Variants in ACBD6 observed in about 807,000 individuals in gnomAD.
The protein encoded by ACBD6 is acyl-CoA-binding domain-containing protein 6.
ACBD6 carries 28 observed loss-of-function variants against 37.2 expected under a neutral mutation model. That is an observed-to-expected ratio of 0.75 (90% CI 0.56 to 1.03). The LOEUF is 1.03. ACBD6 is among the 50% of genes least tolerant of loss of function. The pLI, the probability that ACBD6 is intolerant of heterozygous loss-of-function variation, is 0.00. For synonymous variants in ACBD6, 113 were observed against 126.8 expected (o/e 0.89, Z 0.73); for missense variants, 340 against 337.4 (o/e 1.01, Z -0.06).
At chr1:180,366,649 AAAGG>A (rs1653065526) in intron 6 of ACBD6, among the ~76,000 whole-genome samples, 2 of 152,304 alleles carry the variant, frequency 1.3e-5, no homozygotes, top group South Asian at 2.1e-4. Flanking sequence ...TAAACTTAGC[AAAGG>A]AAGTGACTAT....
chr1:180,387,631 A>C (rs1043778272), intron 6 of ACBD6, among the ~76,000 whole-genome samples: 2 of 152,162 alleles, frequency 1.3e-5, no homozygotes, highest in Non-Finnish European at 2.9e-5. Flanking sequence ...GAAGAGAAGC[A>C]CTGCTTGCTA....
Position 180,359,893 on chromosome 1 carries a change from AT to A in ACBD6, c.663+37622del, listed in dbSNP as rs71725191. 7.1e-3 allele frequency among the ~76,000 whole-genome samples: 1,088 copies of A among 152,318 alleles called. 12 individuals carry two copies. Among genetic ancestry groups the A allele is most frequent in the African/African-American group, 0.025 (1,042 of 41,576 alleles). On this transcript the variant is annotated intron_variant, in intron 6 of 7. Transcript: ENST00000367595. ...GAAGACCATTATGTCAATTCTAAGTATTTTTAAGTAAAATATTACAGACATA... is the reference window on the plus strand; with the variant it reads ...GAAGACCATTATGTCAATTCTAAGTATTTTAAGTAAAATATTACAGACATA...
At chr1:180,322,478 G>A (rs545711333) in intron 6 of ACBD6, among the ~76,000 whole-genome samples, 3 of 152,072 alleles carry the variant, frequency 2.0e-5, no homozygotes, top group South Asian at 4.1e-4. Flanking sequence ...GTGAAGCCAC[G>A]AGGTCCTAGC....
chr1:180,293,592 C>T (rs772146063), intron 7 of ACBD6, among the ~76,000 whole-genome samples: 9 of 152,116 alleles, frequency 5.9e-5, no homozygotes, highest in Non-Finnish European at 1.2e-4. Context: ...TAGGCATGAG[C>T]CACTGTGCCT....
intron 1 of ACBD6, among the ~76,000 whole-genome samples, chr1:180,496,317 T>A (rs1651736851): frequency 6.6e-6 from 1 of 152,180 alleles, no homozygotes; most frequent in South Asian, 2.1e-4. Flanking sequence ...CTATATATCT[T>A]TTATGGTACT....
At chr1:180,366,872 T>C (rs2101910089) in intron 6 of ACBD6, among the ~76,000 whole-genome samples, 1 of 152,170 alleles carries the variant, frequency 6.6e-6, no homozygotes, top group African/African-American at 2.4e-5. Context: ...AAGCACTGAG[T>C]CAGTATGATA....
chr1:180,312,434 T>G (rs766097354), intron 7 of ACBD6, among the ~76,000 whole-genome samples: 1 of 152,172 alleles, frequency 6.6e-6, no homozygotes, highest in Non-Finnish European at 1.5e-5. Context: ...CTAAATTGTA[T>G]AGTTTTTATA....
chr1:180,495,414 C>G, intron 2 of ACBD6, 47 bp downstream of exon 2: 1 of 1,391,840 alleles, frequency 7.2e-7, no homozygotes, highest in Non-Finnish European at 1.0e-6. Flanking sequence ...TCCTAAACAC[C>G]TAAGCCATTT....
At chr1:180,435,793 G>A (rs773850075) in intron 3 of ACBD6, 8 of 918,880 alleles carry the variant, frequency 8.7e-6, no homozygotes, top group African/African-American at 3.3e-5. Context: ...GCTGCTTCTC[G>A]GCTAAAGTGA....
chr1:180,337,805 G>A (rs1651803334), intron 6 of ACBD6, among the ~76,000 whole-genome samples: 3 of 152,270 alleles, frequency 2.0e-5, no homozygotes, highest in South Asian at 4.1e-4. Context: ...CTTCAGCAAA[G>A]TCTCAGGGTA....
intron 3 of ACBD6, among the ~76,000 whole-genome samples, chr1:180,483,427 A>G (rs940144025): frequency 2.6e-5 from 4 of 152,094 alleles, no homozygotes; most frequent in African/African-American, 9.7e-5. Context: ...AATATTTACT[A>G]TAATATTTAC....
At chr1:180,311,198 A>T (rs544340584) in intron 7 of ACBD6, among the ~76,000 whole-genome samples, 1 of 152,176 alleles carries the variant, frequency 6.6e-6, no homozygotes, top group Non-Finnish European at 1.5e-5. Flanking sequence ...GCCATGACAC[A>T]CGGTGTGTGT....
At chr1:180,294,219 T>G (rs952306707) in intron 7 of ACBD6, among the ~76,000 whole-genome samples, 3 of 152,042 alleles carry the variant, frequency 2.0e-5, no homozygotes, top group Admixed American at 6.6e-5. Flanking sequence ...CAGAAAACTT[T>G]GGTAGTTTGT....
chr1:180,302,423 A>T (rs989871426), intron 7 of ACBD6, among the ~76,000 whole-genome samples: 5 of 151,946 alleles, frequency 3.3e-5, no homozygotes, highest in Non-Finnish European at 7.4e-5. Flanking sequence ...ATATATATTT[A>T]GGATAGTTCG....
chr1:180,397,125 T>C (rs1422227561), intron 6 of ACBD6, among the ~76,000 whole-genome samples: 2 of 152,194 alleles, frequency 1.3e-5, no homozygotes, highest in African/African-American at 4.8e-5. Context: ...GAATGAGGTA[T>C]TGTTACATGT....
downstream of ACBD6, chr1:180,287,335 A>T (rs534847254): frequency 6.6e-6 from 1 of 150,658 alleles, no homozygotes; most frequent in East Asian, 2.0e-4. Context: ...CCTTGAGCCC[A>T]GGAGGTTGAG....
At chr1:180,318,170 C>CCT (rs1553291921) in intron 6 of ACBD6, among the ~76,000 whole-genome samples, 1 of 93,646 alleles carries the variant, frequency 1.1e-5, no homozygotes, top group Non-Finnish European at 2.1e-5. Context: ...TCCGCCCCCC[C>CCT]CCCCCAAAAA....
At chr1:180,434,626 T>A (rs150217046) in intron 3 of ACBD6, among the ~76,000 whole-genome samples, 9 of 152,332 alleles carry the variant, frequency 5.9e-5, no homozygotes, top group Admixed American at 3.3e-4. Flanking sequence ...ATAACTTAAC[T>A]CTCAACCAAC....
intron 5 of ACBD6, among the ~76,000 whole-genome samples, chr1:180,399,493 C>T (rs1186274534): frequency 6.6e-6 from 1 of 152,242 alleles, no homozygotes; most frequent in Non-Finnish European, 1.5e-5. Flanking sequence ...TGGTCTCGAA[C>T]TCCTGACCTT....
Sources: gnomAD v4.1 joint callset for allele counts (sites outside exome capture counted in the v4.1 genomes callset) on GRCh38, gnomAD v4.1.1 for gene constraint, MANE v1.5 for transcripts, NCBI Gene and HGNC (gene_info 2026-07-23, HGNC 2026-07-21) for gene names.